Variants in BMPR1A observed in about 807,000 individuals in gnomAD.
BMPR1A encodes the protein bone morphogenetic protein receptor type-1A.
Under a neutral mutation model 66.0 loss-of-function variants are expected in BMPR1A, and 7 were observed. That is an observed-to-expected ratio of 0.11 (90% CI 0.06 to 0.20). The LOEUF is 0.20. BMPR1A is among the 10% of genes least tolerant of loss of function. The pLI is 1.00. For synonymous variants in BMPR1A, 200 were observed against 229.7 expected, an observed-to-expected ratio of 0.87 and a Z score of 1.17; for missense variants, 408 against 669.1, an observed-to-expected ratio of 0.61 and a Z score of 4.31.
At chr10:86,895,736 A>G (rs1002709625) in intron 5 of BMPR1A, among the ~76,000 whole-genome samples, 1 of 151,784 alleles carries the variant, frequency 6.6e-6, no homozygotes, top group Non-Finnish European at 1.5e-5. Flanking sequence ...CATATCATTA[A>G]GAAATGCCTG....
At chr10:86,931,292 C>T (rs1375459074), downstream of BMPR1A, 1 of 83,342 alleles carries the variant, frequency 1.2e-5, no homozygotes, top group African/African-American at 1.0e-4. Context: ...CACACACACA[C>T]ACACACATAT....
At chr10:86,828,317 A>T (rs193112947) in intron 1 of BMPR1A, among the ~76,000 whole-genome samples, 2 of 152,346 alleles carry the variant, frequency 1.3e-5, no homozygotes, top group African/African-American at 4.8e-5. Flanking sequence ...TTTTCCAGGG[A>T]TGACATAAAG....
chr10:86,872,972 G>A (rs898286295), intron 2 of BMPR1A, among the ~76,000 whole-genome samples: 25 of 152,186 alleles, frequency 1.6e-4, no homozygotes, highest in African/African-American at 5.8e-4. Flanking sequence ...GTTAAAGGCA[G>A]ATCCAGAATT....
chr10:86,794,905 G>A (rs1489816433), intron 1 of BMPR1A, among the ~76,000 whole-genome samples: 3 of 151,044 alleles, frequency 2.0e-5, no homozygotes, highest in Non-Finnish European at 4.4e-5. Context: ...AGGATGGAGT[G>A]CAATGGTGCC....
intron 1 of BMPR1A, among the ~76,000 whole-genome samples, chr10:86,786,014 C>G (rs1841509726): frequency 1.3e-5 from 2 of 152,218 alleles, no homozygotes; most frequent in Admixed American, 1.3e-4. Context: ...TAGCACACAA[C>G]TTTGCTTTTC....
chr10:86,778,594 G>C (rs1176022591), intron 1 of BMPR1A, among the ~76,000 whole-genome samples: 1 of 151,974 alleles, frequency 6.6e-6, no homozygotes, highest in East Asian at 1.9e-4. Context: ...ATTTCTTTTT[G>C]TTCGGAACGT....
intron 2 of BMPR1A, among the ~76,000 whole-genome samples, chr10:86,868,325 A>G (rs1232754341): frequency 1.3e-5 from 2 of 152,238 alleles, no homozygotes; most frequent in Non-Finnish European, 2.9e-5. Flanking sequence ...ATTGTTTTCT[A>G]CACTGATGTA....
At chr10:86,812,793 A>G (rs1260316705) in intron 1 of BMPR1A, among the ~76,000 whole-genome samples, 4 of 152,176 alleles carry the variant, frequency 2.6e-5, no homozygotes, top group Admixed American at 2.0e-4. Context: ...TGATGAACCT[A>G]TGTTGACATG....
At chr10:86,879,097 G>A (rs1338229984) in intron 3 of BMPR1A, among the ~76,000 whole-genome samples, 1 of 152,168 alleles carries the variant, frequency 6.6e-6, no homozygotes, top group East Asian at 1.9e-4. Flanking sequence ...TAAGGGGACT[G>A]TAGTTGGTTA....
chr10:86,868,131 C>T (rs1036622021), intron 2 of BMPR1A, among the ~76,000 whole-genome samples: 2 of 152,080 alleles, frequency 1.3e-5, no homozygotes, highest in Non-Finnish European at 2.9e-5. Context: ...GCTCCTGGCC[C>T]ACGGGCATTA....
At chr10:86,782,197 T>G (rs971585914) in intron 1 of BMPR1A, among the ~76,000 whole-genome samples, 1 of 152,200 alleles carries the variant, frequency 6.6e-6, no homozygotes, top group African/African-American at 2.4e-5. Context: ...TATCCAGTTG[T>G]GTATATGTAC....
intron 3 of BMPR1A, among the ~76,000 whole-genome samples, chr10:86,880,771 G>A (rs186969099): frequency 1.9e-4 from 29 of 152,306 alleles, no homozygotes; most frequent in Non-Finnish European, 3.4e-4. Context: ...AGAGCAAGGT[G>A]ATCTTGGTAT....
intron 1 of BMPR1A, among the ~76,000 whole-genome samples, chr10:86,835,092 T>C (rs1842322314): frequency 6.6e-6 from 1 of 151,850 alleles, no homozygotes; most frequent in Non-Finnish European, 1.5e-5. Flanking sequence ...AATCTTAAAT[T>C]TTGGCTTAGG....
intron 2 of BMPR1A, among the ~76,000 whole-genome samples, chr10:86,865,670 CAAAA>C (rs1360041891): frequency 6.6e-6 from 1 of 152,114 alleles, no homozygotes; most frequent in African/African-American, 2.4e-5. Context: ...CCTGCCCCCA[CAAAA>C]AAAGAACCAG....
At chr10:86,758,582 A>G (rs1187771071) in intron 1 of BMPR1A, among the ~76,000 whole-genome samples, 2 of 152,078 alleles carry the variant, frequency 1.3e-5, no homozygotes, top group African/African-American at 2.4e-5. Context: ...TTCCTTTTCA[A>G]ATCTTATTAA....
Position 86,923,659 on chromosome 10 carries a change from A to T in BMPR1A, c.1539A>T (p.Thr513=), listed in dbSNP as rs780244868. 3.1e-6 allele frequency: 5 copies of T among 1,614,250 alleles called. No homozygotes were observed. The highest frequency in any genetic ancestry group is 1.7e-4 in the Middle Eastern group (1 of 6,060). ...CCCACAATCCAGCCTCCAGACTCAC[A>T]GCATTGAGAATTAAGAAGACGCTTG... is the stretch of plus-strand genomic sequence containing the variant. ...CWAHNPASRL[T]ALRIKKTLAK... is the part of the protein sequence containing the mutation. Residue 513 remains threonine (T), a synonymous_variant, in exon 13 of 13, where the codon ACA becomes ACT. Transcript: ENST00000372037.
intron 2 of BMPR1A, among the ~76,000 whole-genome samples, chr10:86,840,212 C>T (rs1466517438): frequency 1.3e-5 from 2 of 152,166 alleles, no homozygotes; most frequent in Non-Finnish European, 2.9e-5. Context: ...TCTACGCTTA[C>T]ACTTCTGGAA....
At chr10:86,882,740 G>A (rs893055115) in intron 3 of BMPR1A, among the ~76,000 whole-genome samples, 2 of 150,760 alleles carry the variant, frequency 1.3e-5, no homozygotes, top group African/African-American at 2.4e-5. Flanking sequence ...TGAGACGGGC[G>A]GATCACCTGA....
At chr10:86,771,456 A>C (rs1208352264) in intron 1 of BMPR1A, among the ~76,000 whole-genome samples, 5 of 152,228 alleles carry the variant, frequency 3.3e-5, no homozygotes, top group Non-Finnish European at 7.3e-5. Flanking sequence ...CAAGTATTCT[A>C]TGATATAGTT....
Sources: allele counts gnomAD v4.1 joint callset (sites outside exome capture counted in the v4.1 genomes callset), GRCh38; gene constraint gnomAD v4.1.1; transcripts MANE v1.5; gene names NCBI Gene and HGNC (gene_info 2026-07-23, HGNC 2026-07-21).